The following ARHGAP22 variants were observed in gnomAD, a reference collection of about 807,000 sequenced individuals.
ARHGAP22 encodes rho GTPase-activating protein 22.
ARHGAP22 carries 48 observed loss-of-function variants against 59.1 expected under a neutral mutation model. That is an observed-to-expected ratio of 0.81 (90% CI 0.64 to 1.03). The LOEUF is 1.03. ARHGAP22 is among the 50% of genes least tolerant of loss of function. The pLI is 0.00. For synonymous variants in ARHGAP22, 445 were observed against 416.4 expected (o/e 1.07, Z -0.84); for missense variants, 1,015 against 958.7 (o/e 1.06, Z -0.78).
chr10:48,605,145 G>C (rs2060613989), upstream of ARHGAP22: 1 of 1,188,870 alleles, frequency 8.4e-7, no homozygotes, highest in African/African-American at 1.6e-5. Flanking sequence ...CGCGGGGGCG[G>C]GGCGGGGCCG....
chr10:48,576,373 C>A (rs1321126898), intron 2 of ARHGAP22, among the ~76,000 whole-genome samples: 1 of 152,172 alleles, frequency 6.6e-6, no homozygotes, highest in African/African-American at 2.4e-5. Context: ...GCACTGTGGC[C>A]CTGCTGCATT....
At chr10:48,459,647 A>G (rs764969152) in intron 5 of ARHGAP22, 37 bp downstream of exon 5, 4 of 1,609,362 alleles carry the variant, frequency 2.5e-6, no homozygotes, top group Non-Finnish European at 3.4e-6. Context: ...GGAGGAATGG[A>G]CAAATGGCTC....
At chr10:48,586,914 C>T (rs567782511) in intron 1 of ARHGAP22, among the ~76,000 whole-genome samples, 30 of 152,316 alleles carry the variant, frequency 2.0e-4, no homozygotes, top group Admixed American at 1.5e-3. Context: ...CCCCCTTTCC[C>T]TCTCCATAGG....
chr10:48,627,793 C>T (rs185818762), intron 1 of ARHGAP22, among the ~76,000 whole-genome samples: 37 of 152,300 alleles, frequency 2.4e-4, no homozygotes, highest in Admixed American at 1.8e-3. Context: ...ACTTTGGGCC[C>T]GGCCTCTGGT....
intron 3 of ARHGAP22, among the ~76,000 whole-genome samples, chr10:48,484,765 T>C (rs922326295): frequency 6.6e-6 from 1 of 152,232 alleles, no homozygotes; most frequent in African/African-American, 2.4e-5. Flanking sequence ...GTCCATAATG[T>C]TCCTTTATTA....
chr10:48,524,011 G>A (rs771738184), intron 3 of ARHGAP22: 3 of 1,443,882 alleles, frequency 2.1e-6, no homozygotes, highest in Non-Finnish European at 2.7e-6. Context: ...AGCCTCTGGC[G>A]GCGGCCGCAG....
chr10:48,555,383 A>T (rs1371229098), intron 3 of ARHGAP22, 80 bp downstream of exon 3: 7 of 1,002,404 alleles, frequency 7.0e-6, no homozygotes, highest in African/African-American at 1.7e-5. Context: ...GAGGAGTGTC[A>T]CGAAGGTCTG....
At chr10:48,649,390 C>G (rs2062455995) in intron 1 of ARHGAP22, among the ~76,000 whole-genome samples, 1 of 152,158 alleles carries the variant, frequency 6.6e-6, no homozygotes, top group South Asian at 2.1e-4. Context: ...CCTCCCTACC[C>G]CAGGCTGCTC....
chr10:48,441,666 A>G (rs931125828), downstream of ARHGAP22, among the ~76,000 whole-genome samples: 12 of 151,930 alleles, frequency 7.9e-5, no homozygotes, highest in Non-Finnish European at 1.5e-4. Context: ...GTTAGCCAGG[A>G]TGGTCTCAAT....
chr10:48,498,115 T>C (rs759521903), intron 3 of ARHGAP22, among the ~76,000 whole-genome samples: 4 of 152,126 alleles, frequency 2.6e-5, no homozygotes, highest in Admixed American at 2.0e-4. Context: ...AACATCTACC[T>C]TGGCCTGTCA....
chr10:48,509,824 G>C (rs1564792796), intron 3 of ARHGAP22, among the ~76,000 whole-genome samples: 1 of 152,216 alleles, frequency 6.6e-6, no homozygotes, highest in African/African-American at 2.4e-5. Flanking sequence ...GAGTCATGGA[G>C]GAGGGGGCAC....
At chr10:48,487,100 C>A (rs1462636033) in intron 3 of ARHGAP22, among the ~76,000 whole-genome samples, 4 of 152,206 alleles carry the variant, frequency 2.6e-5, no homozygotes, top group African/African-American at 9.6e-5. Context: ...GTTTTCATAA[C>A]ATTTGGAATA....
rs1228335708 is a variant in ARHGAP22, at chr10:48,486,394, G to A, written c.323-6630C>T. Reference sequence around the variant, plus strand: ...GCTCTGTCACCCAGGCTGGAGTGGAGTGGTGCAATCTCGGCTCACCGCAAC... The same window carrying A: ...GCTCTGTCACCCAGGCTGGAGTGGAATGGTGCAATCTCGGCTCACCGCAAC... On this transcript the variant is annotated intron_variant, in intron 3 of 9. Transcript: ENST00000249601. Among the ~76,000 whole-genome samples the A allele has an allele frequency of 2.0e-5, 3 of 151,890 alleles. No individual in the cohort carries two copies. In the South Asian group the frequency reaches 6.2e-4, roughly 32 times the overall value.
intron 3 of ARHGAP22, among the ~76,000 whole-genome samples, chr10:48,489,290 A>T (rs540003010): frequency 2.0e-5 from 3 of 152,154 alleles, no homozygotes; most frequent in African/African-American, 4.8e-5. Flanking sequence ...TGATGACCCC[A>T]TTTGACAGGT....
chr10:48,467,940 G>A (rs2047878333), intron 4 of ARHGAP22, among the ~76,000 whole-genome samples: 1 of 152,128 alleles, frequency 6.6e-6, no homozygotes, highest in African/African-American at 2.4e-5. Context: ...GGCAGAGCCT[G>A]GCCTAGGGTG....
intron 1 of ARHGAP22, among the ~76,000 whole-genome samples, chr10:48,621,382 C>T (rs2061280072): frequency 6.6e-6 from 1 of 152,132 alleles, no homozygotes; most frequent in Non-Finnish European, 1.5e-5. Flanking sequence ...TACTCAGCTT[C>T]CTATGCAATT....
chr10:48,499,797 A>C (rs2051318695), intron 3 of ARHGAP22, among the ~76,000 whole-genome samples: 1 of 152,288 alleles, frequency 6.6e-6, no homozygotes, highest in South Asian at 2.1e-4. Flanking sequence ...ATATATAAAA[A>C]GAACAATCTA....
intron 3 of ARHGAP22, among the ~76,000 whole-genome samples, chr10:48,484,564 C>A (rs952031373): frequency 1.3e-5 from 2 of 152,256 alleles, no homozygotes; most frequent in African/African-American, 4.8e-5. Context: ...TTATTCCTTC[C>A]TTAAATATTT....
At chr10:48,598,308 T>G (rs1339632500) in intron 1 of ARHGAP22, among the ~76,000 whole-genome samples, 1 of 152,198 alleles carries the variant, frequency 6.6e-6, no homozygotes, top group African/African-American at 2.4e-5. Flanking sequence ...TCTCCTGGCA[T>G]GAACCTCAGG....
Sources: gnomAD v4.1 joint callset for allele counts (sites outside exome capture counted in the v4.1 genomes callset) on GRCh38, gnomAD v4.1.1 for gene constraint, MANE v1.5 for transcripts, NCBI Gene and HGNC (gene_info 2026-07-23, HGNC 2026-07-21) for gene names.